The following CLNK variants were observed in gnomAD, a reference collection of about 807,000 sequenced individuals.
The protein encoded by CLNK is cytokine dependent hematopoietic cell linker, also known as cytokine-dependent hematopoietic cell linker.
In CLNK, 74 loss-of-function variants were observed where a neutral mutation model predicts 68.6. The ratio of observed to expected loss-of-function variants is 1.08; its 90% CI spans 0.89 to 1.31. CLNK has a LOEUF of 1.31. Ranked by LOEUF, CLNK falls within the 50% of genes most tolerant of loss-of-function variation. The pLI is 0.00. For missense variants in CLNK, 553 were observed against 515.3 expected, an observed-to-expected ratio of 1.07 and a Z score of -0.71; for synonymous variants, 198 against 172.2, an observed-to-expected ratio of 1.15 and a Z score of -1.17.
At chr4:10,625,662 A>G (rs35488927) in intron 2 of CLNK, among the ~76,000 whole-genome samples, 1 of 152,134 alleles carries the variant, frequency 6.6e-6, no homozygotes, top group Non-Finnish European at 1.5e-5. Flanking sequence ...AGAAAGAGAG[A>G]CAGAGAGAGA....
chr4:10,695,228 G>C, the CLNK span, among the ~76,000 whole-genome samples: 1 of 152,154 alleles, frequency 6.6e-6, no homozygotes, highest in Non-Finnish European at 1.5e-5. Context: ...TGATGGATTT[G>C]TTAATTTGCA....
rs911320135 is a variant in CLNK, at chr4:10,614,249, G to T, written c.12-16200C>A. On this transcript the variant is annotated intron_variant, in intron 2 of 18. Transcript: ENST00000226951. ...GGATGTTAGACATCTTGTGTGTATG[G>T]TAACTAGCACGTTGATGAGTGGCTC... Among the ~76,000 whole-genome samples the T allele has an allele frequency of 3.3e-5, 5 of 152,198 alleles. No homozygotes were observed. In the South Asian group the frequency reaches 8.3e-4, roughly 25 times the overall value.
At chr4:10,618,294 A>T (rs1449676214) in intron 2 of CLNK, among the ~76,000 whole-genome samples, 1 of 152,210 alleles carries the variant, frequency 6.6e-6, no homozygotes, top group East Asian at 1.9e-4. Context: ...GACTGATTTC[A>T]TTTAGGTGAA....
intron 1 of CLNK, among the ~76,000 whole-genome samples, chr4:10,677,280 CA>C (rs1724913059): frequency 6.6e-6 from 1 of 152,092 alleles, no homozygotes; most frequent in Non-Finnish European, 1.5e-5. Context: ...AGGCTAATGG[CA>C]AAAACACTGT....
chr4:10,538,237 C>G (rs902831739), intron 11 of CLNK, among the ~76,000 whole-genome samples: 2 of 152,148 alleles, frequency 1.3e-5, no homozygotes, highest in African/African-American at 4.8e-5. Flanking sequence ...TAAAGCGATT[C>G]TCATGTCTCA....
intron 2 of CLNK, among the ~76,000 whole-genome samples, chr4:10,634,223 G>A (rs1044232134): frequency 6.6e-6 from 1 of 152,194 alleles, no homozygotes. Context: ...GCCTAGGGGA[G>A]GAAGGTTAAA....
At chr4:10,690,357 C>T in the CLNK span, among the ~76,000 whole-genome samples, 10 of 152,114 alleles carry the variant, frequency 6.6e-5, no homozygotes, top group South Asian at 6.2e-4. Context: ...GAGGATAACA[C>T]GGTTTCTGAC....
intron 7 of CLNK, among the ~76,000 whole-genome samples, 179 bp downstream of exon 7, chr4:10,564,492 G>GCTACCAGTCATAAGAGTCACCTC (rs1198632332): frequency 2.0e-5 from 3 of 152,132 alleles, no homozygotes; most frequent in African/African-American, 7.2e-5. Context: ...GGGCCATGAT[G>GCTACCAGTCATAAGAGTCACCTC]CTACCAGTCA....
At chr4:10,545,772 T>C (rs140889731) in intron 8 of CLNK, among the ~76,000 whole-genome samples, 2 of 152,282 alleles carry the variant, frequency 1.3e-5, no homozygotes, top group African/African-American at 4.8e-5. Flanking sequence ...TGAAATCTGG[T>C]TGGAGGTTGC....
intron 1 of CLNK, among the ~76,000 whole-genome samples, chr4:10,679,546 T>A (rs1304482920): frequency 1.3e-5 from 2 of 152,080 alleles, no homozygotes; most frequent in African/African-American, 2.4e-5. Flanking sequence ...GCTCCTGCAC[T>A]GCAAAAGAAA....
At chr4:10,719,061 C>T in the CLNK span, among the ~76,000 whole-genome samples, 11 of 151,850 alleles carry the variant, frequency 7.2e-5, no homozygotes, top group African/African-American at 2.7e-4. Context: ...GTCAAAAACT[C>T]CATAGATAAA....
chr4:10,699,176 C>T, the CLNK span, among the ~76,000 whole-genome samples: 1 of 99,754 alleles, frequency 1.0e-5, no homozygotes, highest in African/African-American at 3.5e-5. Context: ...CCTTACGTTT[C>T]TTTCTCTCTC....
At chr4:10,571,890 T>TA in intron 4 of CLNK, 112 bp from the exon 5 acceptor site, 1 of 779,652 alleles carries the variant, frequency 1.3e-6, no homozygotes, top group Non-Finnish European at 2.1e-6. Context: ...TTAATTAACT[T>TA]ACCTTGATTG....
chr4:10,596,730 C>T (rs1425473390), intron 3 of CLNK, among the ~76,000 whole-genome samples: 1 of 152,056 alleles, frequency 6.6e-6, no homozygotes, highest in African/African-American at 2.4e-5. Context: ...AAAACATCAT[C>T]TGTTGCTCTT....
At chr4:10,630,785 C>T (rs914853425) in intron 2 of CLNK, among the ~76,000 whole-genome samples, 3 of 152,200 alleles carry the variant, frequency 2.0e-5, no homozygotes, top group African/African-American at 7.2e-5. Flanking sequence ...GTACTTACCA[C>T]AGCCTGGTCA....
intron 1 of CLNK, among the ~76,000 whole-genome samples, chr4:10,669,435 T>C (rs1458899153): frequency 6.6e-6 from 1 of 152,144 alleles, no homozygotes; most frequent in Non-Finnish European, 1.5e-5. Context: ...TCTTCTGGGC[T>C]CAAAATTAAG....
At position 10,591,001 on chromosome 4, in the gene CLNK, C is replaced by T. The variant is rs536204856; in HGVS notation, c.84-6046G>A. On this transcript the variant is annotated intron_variant, in intron 3 of 18. Transcript: ENST00000226951. ...AGGTTAGCCCTCTTGGGAGTGCCAC[C>T]GAGTCTGTCTGATGACACATCTCTC... is the stretch of plus-strand genomic sequence containing the variant. Among the ~76,000 whole-genome samples, 22 of 152,190 alleles carry T rather than the reference C, an allele frequency of 1.4e-4. No homozygotes were observed. The South Asian group carries it at 3.9e-3, about 27-fold the overall frequency.
intron 2 of CLNK, among the ~76,000 whole-genome samples, chr4:10,634,593 G>A (rs1054200473): frequency 3.3e-5 from 5 of 152,148 alleles, no homozygotes; most frequent in African/African-American, 1.2e-4. Context: ...AATTTTTAGC[G>A]CTAATTACTC....
At chr4:10,555,296 A>G (rs1009356793) in intron 8 of CLNK, among the ~76,000 whole-genome samples, 8 of 152,162 alleles carry the variant, frequency 5.3e-5, no homozygotes, top group Non-Finnish European at 2.9e-5. Flanking sequence ...AAATTGGCTT[A>G]GAGTTTGTGT....
Sources: gnomAD v4.1 joint callset for allele counts (sites outside exome capture counted in the v4.1 genomes callset) on GRCh38, gnomAD v4.1.1 for gene constraint, MANE v1.5 for transcripts, NCBI Gene and HGNC (gene_info 2026-07-23, HGNC 2026-07-21) for gene names.